The following CALN1 variants were observed in gnomAD, a reference collection of about 807,000 sequenced individuals.
CALN1 encodes the protein calcium-binding protein 8.
A neutral mutation model predicts 30.6 loss-of-function variants in CALN1; 17 were observed. The ratio of observed to expected loss-of-function variants is 0.56; its 90% CI spans 0.38 to 0.83. The LOEUF is 0.83. Among genes scored for constraint, CALN1 ranks in the 40% least tolerant of loss-of-function variants. The pLI is 0.00. For synonymous variants in CALN1, 156 were observed against 131.4 expected, an observed-to-expected ratio of 1.19 and a Z score of -1.28; for missense variants, 291 against 354.9, an observed-to-expected ratio of 0.82 and a Z score of 1.45.
rs1337415549 is a variant in CALN1 at position 72,403,193 on chromosome 7, CCCTA to C, written c.119+54_119+57del. On this transcript the variant is annotated intron_variant, in intron 2 of 6. Coordinates refer to ENST00000395275, the MANE Select transcript of CALN1 (RefSeq NM_031468.4). ...AAAGCCTCCTGGACCCCGCGCCACC[CCCTA>C]CCTGAGGGCTGCCAAACAATCTAGG... 5 of 1,394,612 alleles carry C rather than the reference CCCTA, an allele frequency of 3.6e-6. No individual in the cohort carries two copies. The African/African-American group carries it at 7.1e-5, about 20-fold the overall frequency. The allele number at this position is 1,394,612 out of a possible 1,614,324, so 86.4% of individuals were successfully genotyped here.
At chr7:71,982,807 C>T (rs1230776698) in intron 5 of CALN1, among the ~76,000 whole-genome samples, 1 of 152,130 alleles carries the variant, frequency 6.6e-6, no homozygotes, top group East Asian at 1.9e-4. Flanking sequence ...GCCTGTAAAA[C>T]TGAGCTGCAG....
At chr7:72,486,200 G>A in the CALN1 span, among the ~76,000 whole-genome samples, 1 of 152,062 alleles carries the variant, frequency 6.6e-6, no homozygotes, top group African/African-American at 2.4e-5. Flanking sequence ...CATAGAAAAG[G>A]TATAGTAAAG....
chr7:72,026,638 T>G (rs1801077437), intron 4 of CALN1, among the ~76,000 whole-genome samples: 1 of 151,870 alleles, frequency 6.6e-6, no homozygotes, highest in Non-Finnish European at 1.5e-5. Context: ...CTGGTCTTGA[T>G]CTCCTGGGCT....
chr7:71,790,105 GGAGAGA>G (rs565036407), intron 6 of CALN1, among the ~76,000 whole-genome samples: 7 of 147,666 alleles, frequency 4.7e-5, no homozygotes, highest in Admixed American at 1.4e-4. Context: ...AGACCCTGCA[GGAGAGA>G]GAGAGAGAGA....
At chr7:72,387,667 T>TATAC (rs1398557015) in intron 2 of CALN1, among the ~76,000 whole-genome samples, 2 of 152,138 alleles carry the variant, frequency 1.3e-5, no homozygotes, top group African/African-American at 2.4e-5. Flanking sequence ...CAGTCTACAA[T>TATAC]ATACATACCC....
At chr7:72,294,504 C>T (rs1038032029) in intron 2 of CALN1, among the ~76,000 whole-genome samples, 2 of 152,016 alleles carry the variant, frequency 1.3e-5, no homozygotes, top group African/African-American at 4.8e-5. Context: ...AATCCCCACA[C>T]TTTGGGAGGT....
intron 2 of CALN1, among the ~76,000 whole-genome samples, chr7:72,350,111 A>G (rs571993876): frequency 6.6e-6 from 1 of 152,216 alleles, no homozygotes; most frequent in East Asian, 1.9e-4. Flanking sequence ...GCTAGAATTG[A>G]TTTTTGCATA....
At chr7:72,499,906 TTTCTTTCTA>T in the CALN1 span, among the ~76,000 whole-genome samples, 1 of 54,560 alleles carries the variant, frequency 1.8e-5, no homozygotes, top group African/African-American at 1.0e-4. Context: ...TCTTTCTTTC[TTTCTTTCTA>T]TCTTTCTCTT....
intron 2 of CALN1, among the ~76,000 whole-genome samples, chr7:72,323,016 G>A (rs559709984): frequency 1.4e-5 from 2 of 145,152 alleles, no homozygotes; most frequent in East Asian, 4.2e-4. Flanking sequence ...GAGGGGAGGG[G>A]AAGGCACGCA....
intron 3 of CALN1, among the ~76,000 whole-genome samples, chr7:72,182,688 C>G (rs1789900134): frequency 1.3e-5 from 2 of 151,084 alleles, no homozygotes; most frequent in Non-Finnish European, 2.9e-5. Context: ...CCACTGCACT[C>G]CAGCCTGAAT....
intron 3 of CALN1, among the ~76,000 whole-genome samples, chr7:72,117,602 CT>C (rs1563073275): frequency 6.6e-6 from 1 of 152,024 alleles, no homozygotes; most frequent in Non-Finnish European, 1.5e-5. Flanking sequence ...TTGGCCCAAA[CT>C]GGGGTCTGTT....
chr7:72,213,657 G>C (rs773583354), intron 3 of CALN1, among the ~76,000 whole-genome samples: 1 of 152,222 alleles, frequency 6.6e-6, no homozygotes, highest in Non-Finnish European at 1.5e-5. Flanking sequence ...AGAAAGGCAA[G>C]AGTGATGGTA....
At chr7:72,205,478 C>T (rs539422730) in intron 3 of CALN1, among the ~76,000 whole-genome samples, 2 of 147,752 alleles carry the variant, frequency 1.4e-5, no homozygotes, top group Non-Finnish European at 3.0e-5. Flanking sequence ...GCTGGGATTA[C>T]AGGCATGAGC....
At chr7:71,987,121 G>T (rs1365298338) in intron 5 of CALN1, among the ~76,000 whole-genome samples, 1 of 150,296 alleles carries the variant, frequency 6.7e-6, no homozygotes, top group African/African-American at 2.4e-5. Context: ...GCGAAGCTTC[G>T]TGTCAAAAAA....
At chr7:71,987,125 C>CA (rs539710759) in intron 5 of CALN1, among the ~76,000 whole-genome samples, 591 of 127,716 alleles carry the variant, frequency 4.6e-3, no homozygotes, top group Admixed American at 9.0e-3. Flanking sequence ...AGCTTCGTGT[C>CA]AAAAAAAAAA....
chr7:72,410,243 G>C (rs1381765950), intron 1 of CALN1, among the ~76,000 whole-genome samples: 1 of 152,270 alleles, frequency 6.6e-6, no homozygotes, highest in South Asian at 2.1e-4. Flanking sequence ...CTACTTAACT[G>C]CTTATGAGCA....
At chr7:72,235,029 G>C (rs1665262584) in intron 3 of CALN1, among the ~76,000 whole-genome samples, 1 of 152,104 alleles carries the variant, frequency 6.6e-6, no homozygotes, top group African/African-American at 2.4e-5. Flanking sequence ...ACCACTTTGG[G>C]AGGCCAAGGT....
At chr7:72,393,234 G>A (rs554531818) in intron 2 of CALN1, among the ~76,000 whole-genome samples, 4 of 152,254 alleles carry the variant, frequency 2.6e-5, no homozygotes, top group East Asian at 1.9e-4. Context: ...TTGGGAGGCC[G>A]AGGCGTGTGG....
intron 5 of CALN1, among the ~76,000 whole-genome samples, chr7:71,845,890 C>G (rs1367122045): frequency 1.3e-5 from 2 of 152,032 alleles, no homozygotes; most frequent in Non-Finnish European, 2.9e-5. Flanking sequence ...CCCGTCTTTA[C>G]TAAAAATACA....
Sources: gnomAD v4.1 joint callset for allele counts (sites outside exome capture counted in the v4.1 genomes callset) on GRCh38, gnomAD v4.1.1 for gene constraint, MANE v1.5 for transcripts, NCBI Gene and HGNC (gene_info 2026-07-23, HGNC 2026-07-21) for gene names.